Variants in NEMP2 observed in about 807,000 individuals in gnomAD.
The protein encoded by NEMP2 is UPF0571 transmembrane protein.
NEMP2 carries 53 observed loss-of-function variants against 54.2 expected under a neutral mutation model. The observed-to-expected ratio is 0.98, with a 90% CI of 0.78 to 1.23. NEMP2 has a LOEUF of 1.23. Ranked by LOEUF, NEMP2 falls within the 50% of genes most tolerant of loss-of-function variation. NEMP2 has a pLI of 0.00. For synonymous variants in NEMP2, 197 were observed against 190.3 expected, an observed-to-expected ratio of 1.04 and a Z score of -0.29; for missense variants, 455 against 511.3, an observed-to-expected ratio of 0.89 and a Z score of 1.06.
chr2:190,644,704 T>C, the NEMP2 span, among the ~76,000 whole-genome samples: 1 of 150,956 alleles, frequency 6.6e-6, no homozygotes, highest in Non-Finnish European at 1.5e-5. This position sits in a 1 kb window ranked among gnomAD's most constrained non-coding sequence, Gnocchi z 4.4. Flanking sequence ...TAAGAACTCA[T>C]GGACACGAAG....
the NEMP2 span, among the ~76,000 whole-genome samples, chr2:190,546,227 T>A: frequency 0.18 from 27,044 of 151,800 alleles, 2,501 homozygotes; most frequent in Middle Eastern, 0.22. The surrounding 1 kb of genome is among the most constrained non-coding windows in gnomAD (Gnocchi z 5.1). Flanking sequence ...TTTTTTTTTT[T>A]AAAAAAGAAA....
At chr2:190,612,226 G>A in the NEMP2 span, among the ~76,000 whole-genome samples, 1 of 146,442 alleles carries the variant, frequency 6.8e-6, no homozygotes, top group African/African-American at 2.5e-5. Flanking sequence ...CATGATCTCG[G>A]CTCACTGTAA....
chr2:190,430,694 A>G, the NEMP2 span, among the ~76,000 whole-genome samples: 1 of 151,548 alleles, frequency 6.6e-6, no homozygotes, highest in Non-Finnish European at 1.5e-5. Context: ...CATTGTCATC[A>G]TGGCCCGTTC....
At chr2:190,472,980 C>A in the NEMP2 span, among the ~76,000 whole-genome samples, 1 of 152,110 alleles carries the variant, frequency 6.6e-6, no homozygotes, top group Non-Finnish European at 1.5e-5. Context: ...CATATCCAGC[C>A]AAACTAAGCT....
the NEMP2 span, among the ~76,000 whole-genome samples, chr2:190,594,336 TCC>T: frequency 6.6e-6 from 1 of 152,094 alleles, no homozygotes; most frequent in South Asian, 2.1e-4. The surrounding 1 kb of genome is among the most constrained non-coding windows in gnomAD (Gnocchi z 5.6). Flanking sequence ...CAAAAGTATC[TCC>T]TTTAAAACAT....
chr2:190,630,864 C>T, the NEMP2 span, among the ~76,000 whole-genome samples: 2 of 151,716 alleles, frequency 1.3e-5, no homozygotes, highest in Admixed American at 6.6e-5. The surrounding 1 kb of genome is among the most constrained non-coding windows in gnomAD (Gnocchi z 5.5). Flanking sequence ...CAGTGTTGTT[C>T]GAGAAATCAT....
At chr2:190,478,171 C>T in the NEMP2 span, among the ~76,000 whole-genome samples, 9 of 152,276 alleles carry the variant, frequency 5.9e-5, no homozygotes, top group East Asian at 1.9e-4. Context: ...GGGCAGGCTA[C>T]GATACATACT....
rs1690250517 is a variant in NEMP2 at position 190,508,607 on chromosome 2, T to A, written c.*582A>T. ...ACACAATTTCTCCCCTTTGGGAGAT[T>A]CACAGTGCACACGAGCATTATGAAT... is the stretch of plus-strand genomic sequence containing the variant. On this transcript the variant is annotated 3_prime_UTR_variant, in exon 9 of 9. Coordinates refer to ENST00000409150, the MANE Select transcript of NEMP2 (RefSeq NM_001142645.2). This position sits in a 1 kb window ranked among gnomAD's most constrained non-coding sequence, Gnocchi z 4.3. The A allele has an allele frequency of 6.6e-6, 1 of 152,278 alleles. No individual in the cohort carries two copies. The highest frequency in any genetic ancestry group is 2.1e-4 in the South Asian group (1 of 4,832). The allele number at this position is 152,278 out of a possible 1,614,324, so 9.4% of individuals were successfully genotyped here. A position where few individuals can be genotyped will look rare whatever the true frequency, so the allele number is the denominator to read the frequency against.
the NEMP2 span, among the ~76,000 whole-genome samples, chr2:190,472,220 A>G: frequency 1.3e-5 from 2 of 152,266 alleles, no homozygotes; most frequent in Non-Finnish European, 1.5e-5. Context: ...CTCACTAGCA[A>G]TGGAACAAAG....
the NEMP2 span, among the ~76,000 whole-genome samples, chr2:190,496,859 A>G: frequency 6.6e-6 from 1 of 152,200 alleles, no homozygotes. This position sits in a 1 kb window ranked among gnomAD's most constrained non-coding sequence, Gnocchi z 4.7. Flanking sequence ...GAGCTAGGCT[A>G]TGAGGATGCA....
At chr2:190,435,831 G>A in the NEMP2 span, 14 of 686,902 alleles carry the variant, frequency 2.0e-5, no homozygotes, top group South Asian at 5.5e-5. Flanking sequence ...TACCGGTATT[G>A]TGTGGCTGCA....
chr2:190,422,327 C>A, the NEMP2 span, among the ~76,000 whole-genome samples: 1 of 152,146 alleles, frequency 6.6e-6, no homozygotes, highest in African/African-American at 2.4e-5. Flanking sequence ...TTCCTGGGAT[C>A]TCCAGTTCTG....
the NEMP2 span, chr2:190,436,962 G>C: frequency 1.9e-6 from 3 of 1,614,154 alleles, no homozygotes; most frequent in South Asian, 3.3e-5. This position sits in a 1 kb window ranked among gnomAD's most constrained non-coding sequence, Gnocchi z 5.3. Context: ...TCGTAGACAC[G>C]GTCACACTCC....
At chr2:190,638,638 T>G in the NEMP2 span, among the ~76,000 whole-genome samples, 1 of 152,232 alleles carries the variant, frequency 6.6e-6, no homozygotes, top group African/African-American at 2.4e-5. The surrounding 1 kb of genome is among the most constrained non-coding windows in gnomAD (Gnocchi z 5.7). Flanking sequence ...TAATAAATTT[T>G]GGCCCCTTCT....
chr2:190,528,692 T>C lies in NEMP2; in HGVS notation c.98-3314A>G, dbSNP rs183125241. Among the ~76,000 whole-genome samples, 3 of 152,314 alleles carry C rather than the reference T, an allele frequency of 2.0e-5. No individual in the cohort carries two copies. The highest frequency in any genetic ancestry group is 1.3e-4 in the Admixed American group (2 of 15,304). On this transcript the variant is annotated intron_variant, in intron 1 of 8. Coordinates refer to ENST00000409150, the MANE Select transcript of NEMP2 (RefSeq NM_001142645.2). The surrounding 1 kb of genome is among the most constrained non-coding windows in gnomAD (Gnocchi z 4.3). ...ACTTCAAGGGCTAAATCAACTCTCA[T>C]AGAACAGTTCCCTTTTGTTAATGGT...
At chr2:190,449,569 T>C in the NEMP2 span, among the ~76,000 whole-genome samples, 1 of 152,110 alleles carries the variant, frequency 6.6e-6, no homozygotes, top group African/African-American at 2.4e-5. Context: ...ATGACACATA[T>C]GTTTATTGCG....
the NEMP2 span, among the ~76,000 whole-genome samples, chr2:190,429,132 A>AT: frequency 1.3e-5 from 2 of 150,782 alleles, no homozygotes; most frequent in Admixed American, 6.6e-5. Flanking sequence ...CTTTTTGCTT[A>AT]TTTTTCCTAT....
chr2:190,475,249 C>A, the NEMP2 span, among the ~76,000 whole-genome samples: 1 of 152,118 alleles, frequency 6.6e-6, no homozygotes, highest in East Asian at 1.9e-4. Flanking sequence ...AAAGGGTATT[C>A]AATTAGGAAA....
intron 6 of NEMP2, among the ~76,000 whole-genome samples, chr2:190,515,643 A>T (rs1441534746): frequency 6.6e-6 from 1 of 152,242 alleles, no homozygotes. Context: ...AGCTAAAAAT[A>T]TACAATTTTC....
Sources: gnomAD v4.1 joint callset for allele counts (sites outside exome capture counted in the v4.1 genomes callset) on GRCh38, gnomAD v4.1.1 for gene constraint, Gnocchi (gnomAD v3.1) non-coding constraint, MANE v1.5 for transcripts, NCBI Gene and HGNC (gene_info 2026-07-23, HGNC 2026-07-21) for gene names.